Variants in PHACTR3 observed in about 807,000 individuals in gnomAD.
The protein encoded by PHACTR3 is phosphatase and actin regulator 3, also known as protein phosphatase 1, regulatory subunit 123.
A neutral mutation model predicts 66.8 loss-of-function variants in PHACTR3; 16 were observed. The observed-to-expected ratio is 0.24, with a 90% CI of 0.16 to 0.36. PHACTR3 has a LOEUF of 0.36. Among genes scored for constraint, PHACTR3 ranks in the 10% least tolerant of loss-of-function variants. The pLI is 1.00. For missense variants in PHACTR3, 647 were observed against 719.9 expected (o/e 0.90, Z 1.16); for synonymous variants, 323 against 292.1 (o/e 1.11, Z -1.08).
At chr20:59,767,154 G>A in intron 4 of PHACTR3, 32 bp from the exon 5 acceptor site, 2 of 1,612,106 alleles carry the variant, frequency 1.2e-6, no homozygotes, top group Non-Finnish European at 1.7e-6. Context: ...GAGGAAACAT[G>A]TTTTTAACTC....
intron 12 of PHACTR3, among the ~76,000 whole-genome samples, chr20:59,846,027 T>C (rs992684512): frequency 6.6e-6 from 1 of 152,192 alleles, no homozygotes; most frequent in African/African-American, 2.4e-5. Context: ...GTAGTAATTA[T>C]GTGAAGTTCT....
intron 1 of PHACTR3, among the ~76,000 whole-genome samples, chr20:59,588,016 C>T (rs1336492360): frequency 6.6e-6 from 1 of 152,198 alleles, no homozygotes; most frequent in African/African-American, 2.4e-5. Context: ...CTGATCCCAG[C>T]TGCAAAGGCC....
At chr20:59,687,544 A>T (rs140318351) in intron 1 of PHACTR3, among the ~76,000 whole-genome samples, 174 of 152,314 alleles carry the variant, frequency 1.1e-3, no homozygotes, top group African/African-American at 3.9e-3. Flanking sequence ...TGAGAGGATC[A>T]TGATTTCCCA....
chr20:59,722,795 A>G (rs1024384786), intron 1 of PHACTR3, among the ~76,000 whole-genome samples: 1 of 151,000 alleles, frequency 6.6e-6, no homozygotes, highest in African/African-American at 2.4e-5. Flanking sequence ...GCAAATACTC[A>G]TGCTTGTTTT....
chr20:59,654,327 TAATA>T (rs553807280), intron 1 of PHACTR3, among the ~76,000 whole-genome samples: 54 of 152,226 alleles, frequency 3.5e-4, no homozygotes, highest in African/African-American at 1.2e-3. Context: ...AAATTTTAAT[TAATA>T]AATGCAAAAG....
intron 7 of PHACTR3, among the ~76,000 whole-genome samples, chr20:59,792,296 T>C (rs1485882494): frequency 6.6e-6 from 1 of 152,264 alleles, no homozygotes; most frequent in African/African-American, 2.4e-5. Flanking sequence ...AGTCTTTGTG[T>C]GGACATATGC....
At chr20:59,716,263 T>TGTGTGTGTGTGTGTGTG (rs1173454515) in intron 1 of PHACTR3, among the ~76,000 whole-genome samples, 1 of 133,096 alleles carries the variant, frequency 7.5e-6, no homozygotes, top group East Asian at 2.3e-4. Flanking sequence ...TGTGTGTGTG[T>TGTGTGTGTGTGTGTGTG]TGTGACAGAG....
At chr20:59,600,083 C>CAGGG (rs1363547903), upstream of PHACTR3, among the ~76,000 whole-genome samples, 3 of 152,188 alleles carry the variant, frequency 2.0e-5, no homozygotes, top group Non-Finnish European at 2.9e-5. Flanking sequence ...GGCCTCTTTG[C>CAGGG]AGGGACTTCA....
chr20:59,776,138 C>T (rs2040528316), intron 7 of PHACTR3, among the ~76,000 whole-genome samples: 4 of 152,210 alleles, frequency 2.6e-5, no homozygotes, highest in Admixed American at 6.5e-5. Flanking sequence ...GAGATGGGAA[C>T]TGCTTCCTCT....
At chr20:59,633,090 T>A (rs2146397767) in intron 1 of PHACTR3, among the ~76,000 whole-genome samples, 1 of 152,330 alleles carries the variant, frequency 6.6e-6, no homozygotes, top group South Asian at 2.1e-4. Flanking sequence ...TGGCCTCTGC[T>A]TCTGGGAGGA....
intron 1 of PHACTR3, among the ~76,000 whole-genome samples, chr20:59,645,917 T>C (rs543037832): frequency 9.1e-4 from 138 of 152,334 alleles, no homozygotes; most frequent in African/African-American, 3.0e-3. Context: ...AATAAGGCTG[T>C]TGAGCCTGGG....
chr20:59,686,839 ATGGTGATGATGGTGATGATGATGG>A, intron 1 of PHACTR3, among the ~76,000 whole-genome samples: 1 of 135,906 alleles, frequency 7.4e-6, no homozygotes, highest in South Asian at 2.6e-4. Flanking sequence ...GGTGATGATG[ATGGTGATGATGGTGATGATGATGG>A]TGGTGATTGT....
At chr20:59,723,956 T>C (rs60933450) in intron 1 of PHACTR3, among the ~76,000 whole-genome samples, 5,689 of 152,170 alleles carry the variant, frequency 0.037, 366 homozygotes, top group African/African-American at 0.13. Flanking sequence ...CCTTCCATGT[T>C]GGCTGCCTGG....
intron 6 of PHACTR3, among the ~76,000 whole-genome samples, chr20:59,773,706 G>C (rs1006097161): frequency 6.6e-6 from 1 of 152,256 alleles, no homozygotes; most frequent in South Asian, 2.1e-4. Context: ...AGTCCTGTGC[G>C]TGAGCCCCTC....
intron 1 of PHACTR3, among the ~76,000 whole-genome samples, chr20:59,734,515 C>T (rs1476319890): frequency 6.6e-6 from 1 of 152,136 alleles, no homozygotes; most frequent in Non-Finnish European, 1.5e-5. Flanking sequence ...GCATTGGCTT[C>T]CCAAGCCACT....
intron 1 of PHACTR3, among the ~76,000 whole-genome samples, chr20:59,735,513 C>T (rs1265441798): frequency 2.6e-5 from 4 of 151,946 alleles, no homozygotes; most frequent in Non-Finnish European, 2.9e-5. Context: ...TGGGGAATTT[C>T]GTGAAGTGGA....
chr20:59,757,157 C>G (rs6015572), intron 4 of PHACTR3, among the ~76,000 whole-genome samples: 1 of 152,234 alleles, frequency 6.6e-6, no homozygotes, highest in African/African-American at 2.4e-5. Context: ...CAGCCCAGCC[C>G]TTGTGTGTGG....
At position 59,604,905 on chromosome 20, in the gene PHACTR3, T is replaced by TG; in HGVS notation, c.-110_-109insG. ...TTTTTTTTTTTTTTTTTTTTAATTT[T>TG]CTTTTTTAAAAAGACGCCCCCTCCA... On this transcript the variant is annotated 5_prime_UTR_variant, in exon 1 of 13. Coordinates refer to ENST00000371015, the MANE Select transcript of PHACTR3 (RefSeq NM_080672.5). 3 of 1,120,380 alleles carry TG rather than the reference T, an allele frequency of 2.7e-6. No homozygotes were observed. The highest frequency in any genetic ancestry group is 4.3e-5 in the East Asian group (1 of 23,134). The allele number at this position is 1,120,380 out of a possible 1,614,324, so 69.4% of individuals were successfully genotyped here.
intron 11 of PHACTR3, 87 bp from the exon 12 acceptor site, chr20:59,845,102 A>AT (rs934743160): frequency 7.0e-6 from 6 of 856,210 alleles, no homozygotes; most frequent in African/African-American, 1.7e-5. Context: ...GTCAACAAGG[A>AT]TTAGGAATGG....
Sources: allele counts gnomAD v4.1 joint callset (sites outside exome capture counted in the v4.1 genomes callset), GRCh38; gene constraint gnomAD v4.1.1; transcripts MANE v1.5; gene names NCBI Gene and HGNC (gene_info 2026-07-23, HGNC 2026-07-21).